Variants in PIP4P1 observed in about 807,000 individuals in gnomAD.
The protein encoded by PIP4P1 is type 1 phosphatidylinositol 4,5-bisphosphate 4-phosphatase.
Under a neutral mutation model 32.3 loss-of-function variants are expected in PIP4P1, and 14 were observed. That is an observed-to-expected ratio of 0.43 (90% CI 0.29 to 0.68). The LOEUF is 0.68. PIP4P1 is among the 30% of genes least tolerant of loss of function. PIP4P1 has a pLI of 0.15. For synonymous variants in PIP4P1, 132 were observed against 137.9 expected (o/e 0.96, Z 0.30); for missense variants, 289 against 364.5 (o/e 0.79, Z 1.69).
chr14:20,460,505 T>C, intron 2 of PIP4P1, 150 bp downstream of exon 2: 2 of 849,526 alleles, frequency 2.4e-6, no homozygotes, highest in South Asian at 1.7e-5. Flanking sequence ...GAGTGGCTTC[T>C]GGGGAAATGG....
chr14:20,461,410 C>A lies in PIP4P1; in HGVS notation c.-85G>T. The A allele has an allele frequency of 6.6e-6, 8 of 1,211,272 alleles. No individual in the cohort carries two copies. The highest frequency in any genetic ancestry group is 8.3e-6 in the Non-Finnish European group (8 of 968,906). 75.0% of individuals were successfully genotyped at this position (1,211,272 alleles called of 1,614,324 possible). A position where few individuals can be genotyped will look rare whatever the true frequency, so the allele number is the denominator to read the frequency against. ...GCCGCAGCCACCGCCACCGCCGCCA[C>A]CGCCACCGCCGCTACCGGGTCCCCA... On this transcript the variant is annotated 5_prime_UTR_variant, in exon 1 of 7. Coordinates refer to ENST00000250489, the MANE Select transcript of PIP4P1 (RefSeq NM_144568.4).
Position 20,458,039 on chromosome 14 carries a change from A to G in PIP4P1, c.*520T>C, listed in dbSNP as rs1380283929. 3.0e-6 allele frequency: 1 copy of G among 334,644 alleles called. No individual in the cohort carries two copies. Among genetic ancestry groups the G allele is most frequent in the African/African-American group, 2.1e-5 (1 of 46,558 alleles). 20.7% of individuals were successfully genotyped at this position (334,644 alleles called of 1,614,324 possible). Reference sequence around the variant, plus strand: ...TCCCACATTAAATAGTTATATACACATCAGTTCCTGTGGTTCTGTACAGAG... The same window carrying G: ...TCCCACATTAAATAGTTATATACACGTCAGTTCCTGTGGTTCTGTACAGAG... On this transcript the variant is annotated 3_prime_UTR_variant, in exon 7 of 7. Transcript: ENST00000250489.
At position 20,458,459 on chromosome 14, in the gene PIP4P1, C is replaced by A; in HGVS notation, c.*100G>T. ...GAAAAGGAAGGCAGCTGCTTGGCTT[C>A]CTTCTAGAAGCCCCGGGAGCCTTTA... On this transcript the variant is annotated 3_prime_UTR_variant, in exon 7 of 7. Coordinates refer to ENST00000250489, the MANE Select transcript of PIP4P1 (RefSeq NM_144568.4). 6.4e-7 allele frequency: 1 copy of A among 1,563,770 alleles called. No homozygotes were observed. Among genetic ancestry groups the A allele is most frequent in the South Asian group, 1.1e-5 (1 of 87,840 alleles).
rs1051466922 is a variant in PIP4P1 at position 20,458,877 on chromosome 14, G to A, written c.691-175C>T. ...AGAGCTGATCAGCTTCCTTCCCTTA[G>A]GCGTAACATACTCATCCCATCCCAC... On this transcript the variant is annotated intron_variant, in intron 6 of 6. Transcript: ENST00000250489. 5 of 751,332 alleles carry A rather than the reference G, an allele frequency of 6.7e-6. No individual in the cohort carries two copies. In the Admixed American group the frequency reaches 1.2e-4, roughly 18 times the overall value. 46.5% of individuals were successfully genotyped at this position (751,332 alleles called of 1,614,324 possible).
At chr14:20,460,425 A>G (rs758999087) in intron 2 of PIP4P1, 127 bp from the exon 3 acceptor site, 4 of 793,674 alleles carry the variant, frequency 5.0e-6, no homozygotes, top group Non-Finnish European at 8.1e-6. Flanking sequence ...AAGAAAGACT[A>G]TATCATGAGA....
rs2139321696 is a variant in PIP4P1 at position 20,461,393 on chromosome 14, C to T, written c.-68G>A. The stretch of plus-strand genomic sequence containing the variant: ...CCTTCGCCTCTGCCGTCGCCGCAGC[C>T]ACCGCCACCGCCGCCACCGCCACCG... On this transcript the variant is annotated 5_prime_UTR_variant, in exon 1 of 7. Coordinates refer to ENST00000250489, the MANE Select transcript of PIP4P1 (RefSeq NM_144568.4). 1 of 1,230,094 alleles carries T rather than the reference C, an allele frequency of 8.1e-7. No individual in the cohort carries two copies. The highest frequency in any genetic ancestry group is 1.6e-5 in the African/African-American group (1 of 64,162). The allele number at this position is 1,230,094 out of a possible 1,614,324, so 76.2% of individuals were successfully genotyped here.
At chr14:20,460,576 G>T (rs539227652) in intron 2 of PIP4P1, 79 bp downstream of exon 2, 1 of 1,473,774 alleles carries the variant, frequency 6.8e-7, no homozygotes, top group South Asian at 1.2e-5. Flanking sequence ...CTAATAGCCG[G>T]AAGGTCAGGG....
In PIP4P1 at chr14:20,459,381, C is replaced by T. The variant is rs370154003; in HGVS notation, c.599+7G>A. On this transcript the variant is annotated splice_region_variant and intron_variant, in intron 5 of 6. Transcript: ENST00000250489. ...ATCAATTACCAGCTCAATCCCTAAT[C>T]ACTTACACTTTCCTGCAGTGAGGAC... 2.4e-4 allele frequency: 386 copies of T among 1,614,242 alleles called. 4 individuals are homozygous for T. The South Asian group carries it at 3.7e-3, about 16-fold the overall frequency.
At chr14:20,460,995 C>G in intron 1 of PIP4P1, 150 bp from the exon 2 acceptor site, 2 of 1,270,652 alleles carry the variant, frequency 1.6e-6, no homozygotes, top group Non-Finnish European at 2.1e-6. Context: ...TCAGAACCCC[C>G]TTCCGTCCCT....
Position 20,459,397 on chromosome 14 carries a change from C to T in PIP4P1, c.590G>A (p.Cys197Tyr). Residue 197 changes from cysteine to tyrosine, a missense_variant, in exon 5 of 7, where the codon TGC becomes TAC. Coordinates refer to ENST00000250489, the MANE Select transcript of PIP4P1 (RefSeq NM_144568.4). The stretch of plus-strand genomic sequence containing the variant: ...ATCCCTAATCACTTACACTTTCCTG[C>T]AGTGAGGACAACGTGCCAAAGTGCG... ...TDRTLARCPHCRKVSSIGRRY... is the reference protein window; with the variant it reads ...TDRTLARCPHYRKVSSIGRRY... The T allele has an allele frequency of 6.2e-7, 1 of 1,614,212 alleles. No individual in the cohort carries two copies. Among genetic ancestry groups the T allele is most frequent in the Non-Finnish European group, 8.5e-7 (1 of 1,180,032 alleles).
rs559657189 is a variant in PIP4P1 at position 20,457,809 on chromosome 14, A to G, written c.*750T>C. On this transcript the variant is annotated 3_prime_UTR_variant, in exon 7 of 7. Coordinates refer to ENST00000250489, the MANE Select transcript of PIP4P1 (RefSeq NM_144568.4). ...GTCTTACCCCTTCGTGGGGCTACAC[A>G]TTCTCTTCCTCATATTTTCATGCAC... 9.0e-6 allele frequency: 4 copies of G among 444,348 alleles called. No individual in the cohort carries two copies. Among genetic ancestry groups the G allele is most frequent in the South Asian group, 4.3e-5 (2 of 46,640 alleles). 27.5% of individuals were successfully genotyped at this position (444,348 alleles called of 1,614,324 possible). A position where few individuals can be genotyped will look rare whatever the true frequency, so the allele number is the denominator to read the frequency against.
rs1338435723 is a variant in PIP4P1, at chr14:20,461,239, C to T, written c.87G>A (p.Gly29=). The change falls in exon 1 of 7, where the codon GGG becomes GGA. Residue 29 remains glycine (G), a synonymous_variant. Transcript: ENST00000250489. ...AGGNGLVGPG[G]SGAGPGGGLT... is the part of the protein sequence containing the mutation. ...GGCCTCCCCCGGGCCCAGCCCCACT[C>T]CCGCCGGGCCCCACTAAACCGTTGC... is the stretch of plus-strand genomic sequence containing the variant. The T allele has an allele frequency of 2.4e-6, 3 of 1,263,918 alleles. No individual in the cohort carries two copies. Among genetic ancestry groups the T allele is most frequent in the Non-Finnish European group, 2.0e-6 (2 of 999,694 alleles). The allele number at this position is 1,263,918 out of a possible 1,614,324, so 78.3% of individuals were successfully genotyped here.
At position 20,461,390 on chromosome 14, in the gene PIP4P1, A is replaced by C. The variant is rs1387232751; in HGVS notation, c.-65T>G. 22 of 1,233,592 alleles carry C rather than the reference A, an allele frequency of 1.8e-5. No homozygotes were observed. The highest frequency in any genetic ancestry group is 4.7e-5 in the African/African-American group (3 of 64,096). 76.4% of individuals were successfully genotyped at this position (1,233,592 alleles called of 1,614,324 possible). On this transcript the variant is annotated 5_prime_UTR_variant, in exon 1 of 7. Coordinates refer to ENST00000250489, the MANE Select transcript of PIP4P1 (RefSeq NM_144568.4). ...CTCCCTTCGCCTCTGCCGTCGCCGCAGCCACCGCCACCGCCGCCACCGCCA... is the reference window on the plus strand; with the variant it reads ...CTCCCTTCGCCTCTGCCGTCGCCGCCGCCACCGCCACCGCCGCCACCGCCA...
rs199689793 is a variant in PIP4P1 at position 20,459,187 on chromosome 14, T to G, written c.690+19A>C. The G allele has an allele frequency of 1.9e-6, 3 of 1,613,304 alleles. No individual in the cohort carries two copies. The East Asian group carries it at 6.7e-5, about 36-fold the overall frequency. ...AGATGAGGCTGCAGAATGAAAGAGGTTGGGGCAAGGGTACTCACGGCAAGG... is the reference window on the plus strand; with the variant it reads ...AGATGAGGCTGCAGAATGAAAGAGGGTGGGGCAAGGGTACTCACGGCAAGG... On this transcript the variant is annotated intron_variant, in intron 6 of 6. Coordinates refer to ENST00000250489, the MANE Select transcript of PIP4P1 (RefSeq NM_144568.4).
intron 6 of PIP4P1, 133 bp from the exon 7 acceptor site, chr14:20,458,835 G>T: frequency 8.6e-7 from 1 of 1,166,926 alleles, no homozygotes; most frequent in Non-Finnish European, 1.2e-6. Flanking sequence ...GCCACCCTCA[G>T]GGACCTTCTT....
Position 20,461,408 on chromosome 14 carries a change from CACCGCCACCGCCGCT to C in PIP4P1, c.-98_-84del, listed in dbSNP as rs1881713411. On this transcript the variant is annotated 5_prime_UTR_variant, in exon 1 of 7. Coordinates refer to ENST00000250489, the MANE Select transcript of PIP4P1 (RefSeq NM_144568.4). ...TCGCCGCAGCCACCGCCACCGCCGC[CACCGCCACCGCCGCT>C]ACCGGGTCCCCAGGGCGCCTGCGCG... 2 of 1,214,216 alleles carry C rather than the reference CACCGCCACCGCCGCT, an allele frequency of 1.6e-6. No homozygotes were observed. Among genetic ancestry groups the C allele is most frequent in the African/African-American group, 3.1e-5 (2 of 63,862 alleles). The allele number at this position is 1,214,216 out of a possible 1,614,324, so 75.2% of individuals were successfully genotyped here. A position where few individuals can be genotyped will look rare whatever the true frequency, so the allele number is the denominator to read the frequency against.
Position 20,458,582 on chromosome 14 carries a change from G to A in PIP4P1, c.811C>T (p.His271Tyr). Residue 271 changes from histidine (H) to tyrosine (Y), a missense_variant, in exon 7 of 7, where the codon CAC (histidine) becomes TAC (tyrosine). Physicochemically the swap from His to Tyr is moderately conservative, Grantham distance 83. Around this residue, in one of 2 missense-constraint regions of PIP4P1, gnomAD observed 181 missense variants for 263.3 expected, o/e 0.69. Coordinates refer to ENST00000250489, the MANE Select transcript of PIP4P1 (RefSeq NM_144568.4). ...ALYWACMKVS[H>Y]PVQNFS is the part of the protein sequence containing the mutation. ...GCTCAGGAGAAGTTCTGGACAGGGTGGCTGACCTTCATACAGGCCCAATAA... is the reference window on the plus strand; with the variant it reads ...GCTCAGGAGAAGTTCTGGACAGGGTAGCTGACCTTCATACAGGCCCAATAA... The A allele has an allele frequency of 6.2e-7, 1 of 1,614,070 alleles. No homozygotes were observed. The highest frequency in any genetic ancestry group is 1.3e-5 in the African/African-American group (1 of 75,042).
intron 6 of PIP4P1, 66 bp from the exon 7 acceptor site, chr14:20,458,768 T>C (rs995544898): frequency 4.5e-6 from 7 of 1,553,852 alleles, no homozygotes; most frequent in Non-Finnish European, 6.1e-6. Context: ...CTACCTCCTA[T>C]TAGTTCTAAG....
In PIP4P1 at chr14:20,459,451, A is replaced by T. The variant is rs758864949; in HGVS notation, c.547-11T>A. The T allele has an allele frequency of 6.2e-7, 1 of 1,614,190 alleles. No homozygotes were observed. The highest frequency in any genetic ancestry group is 8.5e-7 in the Non-Finnish European group (1 of 1,180,040). On this transcript the variant is annotated splice_polypyrimidine_tract_variant and intron_variant, in intron 4 of 6. Transcript: ENST00000250489. ...TGTGAACTCTGTCCACTATGGAGAA[A>T]GAAAACAAAAATAATAGCACAAGCA...
Sources: allele counts gnomAD v4.1 joint callset, GRCh38; gene constraint gnomAD v4.1.1; regional missense constraint gnomAD v4.1.1; transcripts MANE v1.5; gene names NCBI Gene and HGNC (gene_info 2026-07-23, HGNC 2026-07-21).